Variants in PRDM16 observed in about 807,000 individuals in gnomAD.
PRDM16 encodes the protein PR/SET domain 16.
PRDM16 carries 23 observed loss-of-function variants against 110.6 expected under a neutral mutation model. That is an observed-to-expected ratio of 0.21 (90% CI 0.15 to 0.29). The LOEUF (loss-of-function observed/expected upper bound fraction) is 0.29, where lower values mean the gene tolerates loss of function less well. Among genes scored for constraint, PRDM16 ranks in the 10% least tolerant of loss-of-function variants. PRDM16 has a pLI of 1.00. For missense variants in PRDM16, 1,615 were observed against 1,794.3 expected (o/e 0.90, Z 1.81); for synonymous variants, 799 against 781.8 (o/e 1.02, Z -0.37).
At chr1:3,432,798 G>A (rs1638803574) in intron 16 of PRDM16, among the ~76,000 whole-genome samples, 2 of 152,168 alleles carry the variant, frequency 1.3e-5, no homozygotes, top group Admixed American at 6.5e-5. Flanking sequence ...GTTAACTCGG[G>A]TAGGACAGTG....
chr1:3,360,186 A>T lies in PRDM16; in HGVS notation c.439-24966A>T, dbSNP rs186143655. ...CTTGATCGGGAACGGGAGGCCCAGG[A>T]CACGTTTTCTGTGGCAGCTCGAATG... On this transcript the variant is annotated intron_variant, in intron 3 of 16. Coordinates refer to ENST00000270722, the MANE Select transcript of PRDM16 (RefSeq NM_022114.4). Among the ~76,000 whole-genome samples, 1,365 of 152,324 alleles carry T rather than the reference A, an allele frequency of 9.0e-3. 13 individuals carry two copies. The highest frequency in any genetic ancestry group is 0.031 in the African/African-American group (1,309 of 41,562).
intron 2 of PRDM16, among the ~76,000 whole-genome samples, chr1:3,217,066 G>A (rs954180506): frequency 1.1e-4 from 17 of 152,252 alleles, no homozygotes; most frequent in African/African-American, 3.1e-4. Context: ...ATAGAAGCAC[G>A]CTTTCTGTGT....
chr1:3,247,984 G>T (rs368642897), intron 3 of PRDM16, among the ~76,000 whole-genome samples: 1 of 152,204 alleles, frequency 6.6e-6, no homozygotes, highest in East Asian at 1.9e-4. Context: ...CCATCACTCC[G>T]GGCGCGCAGC....
intron 3 of PRDM16, among the ~76,000 whole-genome samples, chr1:3,383,027 C>G: frequency 6.6e-6 from 1 of 152,244 alleles, no homozygotes; most frequent in East Asian, 1.9e-4. Context: ...CTTGGACCCA[C>G]GTCCCCTGTG....
Position 3,076,289 on chromosome 1 carries a change from G to A in PRDM16, c.37+6993G>A, listed in dbSNP as rs139284872. On this transcript the variant is annotated intron_variant, in intron 1 of 16. Transcript: ENST00000270722. Reference sequence around the variant, plus strand: ...TGGCCACGTCTGCACTGACTCTGCTGGATGAAGGGAGGGTGTGGGATACGT... The same window carrying A: ...TGGCCACGTCTGCACTGACTCTGCTAGATGAAGGGAGGGTGTGGGATACGT... Among the ~76,000 whole-genome samples, 603 of 152,338 alleles carry A rather than the reference G, an allele frequency of 4.0e-3. 2 individuals carry two copies. The highest frequency in any genetic ancestry group is 6.9e-3 in the Non-Finnish European group (469 of 68,028).
At chr1:3,302,891 C>T (rs920622026) in intron 3 of PRDM16, among the ~76,000 whole-genome samples, 3 of 152,114 alleles carry the variant, frequency 2.0e-5, no homozygotes, top group Non-Finnish European at 4.4e-5. Flanking sequence ...CCAGGAATGG[C>T]CTTGGGTGCA....
chr1:3,221,413 T>C (rs1242261609), intron 2 of PRDM16, among the ~76,000 whole-genome samples: 1 of 152,206 alleles, frequency 6.6e-6, no homozygotes, highest in East Asian at 1.9e-4. Context: ...CAAAAGCTGC[T>C]TGGATTTGCT....
chr1:3,182,981 A>C (rs1462681994), intron 1 of PRDM16, among the ~76,000 whole-genome samples: 1 of 152,130 alleles, frequency 6.6e-6, no homozygotes. Context: ...TCCCCATAGA[A>C]ATTCTAGAAA....
chr1:3,199,733 C>T (rs947994266), intron 2 of PRDM16, among the ~76,000 whole-genome samples: 3 of 152,226 alleles, frequency 2.0e-5, no homozygotes, highest in Admixed American at 6.5e-5. Context: ...CTAGGAGCCC[C>T]AGCTGCACTC....
chr1:3,087,253 C>T (rs1464642031), intron 1 of PRDM16, among the ~76,000 whole-genome samples: 4 of 149,052 alleles, frequency 2.7e-5, no homozygotes, highest in African/African-American at 1.0e-4. Flanking sequence ...GGAGACCAGC[C>T]CCACCTGAGA....
rs963142806 is a variant in PRDM16, at chr1:3,213,543, G to A, written c.387+27069G>A. 6.6e-6 allele frequency among the ~76,000 whole-genome samples: 1 copy of A among 152,168 alleles called. No homozygotes were observed. The highest frequency in any genetic ancestry group is 1.5e-5 in the Non-Finnish European group (1 of 68,030). ...GTGGGGGGTTGCTAGAGAGTCCTTTGTCGCCTCCCTGGGGGCACAGACACC... is the reference window on the plus strand; with the variant it reads ...GTGGGGGGTTGCTAGAGAGTCCTTTATCGCCTCCCTGGGGGCACAGACACC... On this transcript the variant is annotated intron_variant, in intron 2 of 16. Transcript: ENST00000270722. This position sits in a 1 kb window ranked among gnomAD's most constrained non-coding sequence, Gnocchi z 5.3.
chr1:3,284,215 C>T (rs905610681), intron 3 of PRDM16, among the ~76,000 whole-genome samples: 2 of 152,236 alleles, frequency 1.3e-5, no homozygotes, highest in African/African-American at 4.8e-5. Flanking sequence ...GGCAAACCGA[C>T]ATTAAGCGTC....
rs546244802 is a variant in PRDM16 at position 3,434,946 on chromosome 1, G to A, written c.*1135G>A. 4.3e-5 allele frequency: 10 copies of A among 230,264 alleles called. No individual in the cohort carries two copies. Among genetic ancestry groups the A allele is most frequent in the Middle Eastern group, 1.3e-3 (1 of 764 alleles). 14.3% of individuals were successfully genotyped at this position (230,264 alleles called of 1,614,324 possible). On this transcript the variant is annotated 3_prime_UTR_variant, in exon 17 of 17. Transcript: ENST00000270722. ...GGGAGCAATCCCAGCGGATCGCTCC[G>A]GGCCACCAAGCCGCACCTGTGCCTG...
chr1:3,254,385 T>C (rs1479478055), intron 3 of PRDM16, among the ~76,000 whole-genome samples: 2 of 152,122 alleles, frequency 1.3e-5, no homozygotes, highest in Non-Finnish European at 2.9e-5. Flanking sequence ...TGTTTGCAGA[T>C]GACATGATTG....
chr1:3,272,121 G>A (rs1052300987), intron 3 of PRDM16, among the ~76,000 whole-genome samples: 12 of 152,222 alleles, frequency 7.9e-5, no homozygotes, highest in African/African-American at 2.9e-4. Context: ...GCCAGGCAGT[G>A]CTCAAACCCC....
intron 2 of PRDM16, among the ~76,000 whole-genome samples, chr1:3,200,009 G>C (rs1638578816): frequency 6.6e-6 from 1 of 152,268 alleles, no homozygotes; most frequent in Non-Finnish European, 1.5e-5. Context: ...CTGGGGAAGG[G>C]ACCTCACTTC....
At chr1:3,310,570 G>A (rs555495818) in intron 3 of PRDM16, among the ~76,000 whole-genome samples, 1 of 152,134 alleles carries the variant, frequency 6.6e-6, no homozygotes, top group African/African-American at 2.4e-5. Flanking sequence ...TGCCTGGGGA[G>A]AGAATGTTTG....
At chr1:3,115,539 G>A (rs1249249136) in intron 1 of PRDM16, among the ~76,000 whole-genome samples, 4 of 152,222 alleles carry the variant, frequency 2.6e-5, no homozygotes, top group African/African-American at 9.6e-5. Flanking sequence ...CGTTTATGTG[G>A]ACAAAGGCGA....
intron 1 of PRDM16, among the ~76,000 whole-genome samples, chr1:3,160,130 G>A (rs916043061): frequency 6.6e-6 from 1 of 152,230 alleles, no homozygotes; most frequent in Non-Finnish European, 1.5e-5. Context: ...CTGAGCTCCC[G>A]CAGCCAGAGG....
Sources: allele counts gnomAD v4.1 joint callset (sites outside exome capture counted in the v4.1 genomes callset), GRCh38; gene constraint gnomAD v4.1.1; non-coding constraint Gnocchi (gnomAD v3.1); transcripts MANE v1.5; gene names NCBI Gene and HGNC (gene_info 2026-07-23, HGNC 2026-07-21).